The following SLC24A2 variants were observed in gnomAD, a reference collection of about 807,000 sequenced individuals.
The protein encoded by SLC24A2 is solute carrier family 24 member 2.
Under a neutral mutation model 62.0 loss-of-function variants are expected in SLC24A2, and 36 were observed. The ratio of observed to expected loss-of-function variants is 0.58; its 90% CI spans 0.44 to 0.77. The LOEUF is 0.77. SLC24A2 is among the 30% of genes least tolerant of loss of function. The probability of loss-of-function intolerance (pLI) is 0.00; values close to 1 mark genes in which losing one functional copy is unlikely to be tolerated. For missense variants in SLC24A2, 846 were observed against 817.9 expected (o/e 1.03, Z -0.42); for synonymous variants, 358 against 294.0 (o/e 1.22, Z -2.23).
At chr9:20,119,419 A>G in the SLC24A2 span, among the ~76,000 whole-genome samples, 1 of 152,210 alleles carries the variant, frequency 6.6e-6, no homozygotes, top group African/African-American at 2.4e-5. Context: ...TCGATATATA[A>G]AACAGGAATT....
At chr9:19,857,337 A>G in the SLC24A2 span, among the ~76,000 whole-genome samples, 1 of 152,200 alleles carries the variant, frequency 6.6e-6, no homozygotes, top group Non-Finnish European at 1.5e-5. Flanking sequence ...GTAATCTAGG[A>G]CAATCATCTT....
intron 2 of SLC24A2, among the ~76,000 whole-genome samples, chr9:19,734,246 T>A (rs558475997): frequency 1.3e-5 from 2 of 152,288 alleles, no homozygotes; most frequent in African/African-American, 4.8e-5. Context: ...TTGGTCTATA[T>A]CTCTGTTTTG....
At chr9:19,757,038 G>C (rs1822164463) in intron 2 of SLC24A2, among the ~76,000 whole-genome samples, 2 of 148,852 alleles carry the variant, frequency 1.3e-5, no homozygotes, top group Admixed American at 6.9e-5. Context: ...GCCTCCAAAA[G>C]CATTAGGGTT....
chr9:20,068,487 C>G, the SLC24A2 span, among the ~76,000 whole-genome samples: 1 of 152,036 alleles, frequency 6.6e-6, no homozygotes, highest in Non-Finnish European at 1.5e-5. Flanking sequence ...TGATTGTTAC[C>G]CAATCCTAAT....
chr9:19,974,106 G>T, the SLC24A2 span, among the ~76,000 whole-genome samples: 1 of 152,118 alleles, frequency 6.6e-6, no homozygotes, highest in African/African-American at 2.4e-5. Context: ...TATATGATAA[G>T]CACTGAATAA....
the SLC24A2 span, among the ~76,000 whole-genome samples, chr9:20,097,107 G>A: frequency 9.9e-5 from 15 of 152,172 alleles, no homozygotes; most frequent in African/African-American, 3.1e-4. Flanking sequence ...TTCCTCCAAT[G>A]TCCACCCTAC....
the SLC24A2 span, among the ~76,000 whole-genome samples, chr9:19,997,239 G>A: frequency 6.6e-6 from 1 of 152,012 alleles, no homozygotes; most frequent in Non-Finnish European, 1.5e-5. Context: ...AATCAGACTA[G>A]GTGTGAGTTT....
intron 2 of SLC24A2, among the ~76,000 whole-genome samples, chr9:19,624,834 C>T (rs1817994325): frequency 6.6e-6 from 1 of 152,186 alleles, no homozygotes; most frequent in African/African-American, 2.4e-5. Context: ...TTTCCAGGGG[C>T]TCACCCACAT....
chr9:19,521,874 CTT>C (rs1243368144), intron 9 of SLC24A2, among the ~76,000 whole-genome samples: 9 of 130,846 alleles, frequency 6.9e-5, no homozygotes, highest in Non-Finnish European at 8.2e-5. Context: ...CTTTTTTTTT[CTT>C]TTTTTTTTTT....
the SLC24A2 span, among the ~76,000 whole-genome samples, chr9:19,809,505 C>T: frequency 6.6e-6 from 1 of 152,000 alleles, no homozygotes. Context: ...TAATGAAAAG[C>T]AGCCCCAAAT....
chr9:20,272,464 G>A, the SLC24A2 span, among the ~76,000 whole-genome samples: 5 of 152,140 alleles, frequency 3.3e-5, no homozygotes, highest in African/African-American at 1.2e-4. Context: ...GTACTAGGTA[G>A]TGTTCTAGAC....
At chr9:19,994,526 A>G in the SLC24A2 span, among the ~76,000 whole-genome samples, 8 of 152,258 alleles carry the variant, frequency 5.3e-5, no homozygotes, top group South Asian at 8.3e-4. Flanking sequence ...CATTCACAGT[A>G]GTTTAACAAG....
chr9:19,865,668 C>T, the SLC24A2 span, among the ~76,000 whole-genome samples: 1 of 152,070 alleles, frequency 6.6e-6, no homozygotes, highest in African/African-American at 2.4e-5. Flanking sequence ...TAAAACAAGA[C>T]CCCTATGTCT....
chr9:20,159,238 T>C, the SLC24A2 span, among the ~76,000 whole-genome samples: 1 of 151,668 alleles, frequency 6.6e-6, no homozygotes, highest in Non-Finnish European at 1.5e-5. Flanking sequence ...ACTAGAGCAA[T>C]GTTTCTCAAC....
At chr9:20,096,857 G>C in the SLC24A2 span, among the ~76,000 whole-genome samples, 2 of 152,026 alleles carry the variant, frequency 1.3e-5, no homozygotes, top group East Asian at 3.9e-4. Flanking sequence ...AAGCACTGTG[G>C]TTTGGTGAGG....
At chr9:20,142,409 T>C in the SLC24A2 span, among the ~76,000 whole-genome samples, 1 of 151,926 alleles carries the variant, frequency 6.6e-6, no homozygotes, top group Admixed American at 6.6e-5. Flanking sequence ...ATAGTATTAA[T>C]ATATATCCAT....
Position 19,710,087 on chromosome 9 carries a change from T to C in SLC24A2, c.930+75850A>G, listed in dbSNP as rs781013199. Reference sequence around the variant, plus strand: ...CTAATCCTCCTGTGGAAGGATGTCTTTGGGAGAGAAGAGGGTACAGAAGAA... The same window carrying C: ...CTAATCCTCCTGTGGAAGGATGTCTCTGGGAGAGAAGAGGGTACAGAAGAA... On this transcript the variant is annotated intron_variant, in intron 2 of 10. Transcript: ENST00000341998. Among the ~76,000 whole-genome samples the C allele has an allele frequency of 1.4e-4, 22 of 152,008 alleles. 1 individual carries two copies. Among genetic ancestry groups the C allele is most frequent in the Non-Finnish European group, 1.5e-4 (10 of 67,994 alleles).
At chr9:20,009,849 G>A in the SLC24A2 span, among the ~76,000 whole-genome samples, 3 of 152,266 alleles carry the variant, frequency 2.0e-5, no homozygotes, top group South Asian at 2.1e-4. Context: ...TAGGCCAGCA[G>A]GCAAGCCCAT....
chr9:20,165,094 C>T, the SLC24A2 span, among the ~76,000 whole-genome samples: 1 of 151,402 alleles, frequency 6.6e-6, no homozygotes, highest in East Asian at 2.0e-4. Flanking sequence ...TGTAACTAAC[C>T]TGCACATTGT....
Sources: allele counts gnomAD v4.1 joint callset (sites outside exome capture counted in the v4.1 genomes callset), GRCh38; gene constraint gnomAD v4.1.1; transcripts MANE v1.5; gene names NCBI Gene and HGNC (gene_info 2026-07-23, HGNC 2026-07-21).